MATN3: variants seen among roughly 807,000 people sequenced by gnomAD.
MATN3 encodes matrilin-3.
A neutral mutation model predicts 45.3 loss-of-function variants in MATN3; 48 were observed. The ratio of observed to expected loss-of-function variants is 1.06; its 90% CI spans 0.84 to 1.35. The LOEUF is 1.35. Among genes scored for constraint, MATN3 ranks in the 40% most tolerant of loss-of-function variants. The pLI is 0.00. For synonymous variants in MATN3, 217 were observed against 245.9 expected, an observed-to-expected ratio of 0.88 and a Z score of 1.10; for missense variants, 599 against 628.0, an observed-to-expected ratio of 0.95 and a Z score of 0.49.
chr2:19,999,626 T>TAAAA (rs56100312), intron 5 of MATN3, among the ~76,000 whole-genome samples: 3 of 120,192 alleles, frequency 2.5e-5, no homozygotes, highest in Admixed American at 8.9e-5. Flanking sequence ...GGTTTCCCTT[T>TAAAA]AAAAAAAAAA....
chr2:19,993,103 G>T lies in MATN3; in HGVS notation c.*8C>A. ...TGTCCACATTTTCAGGTGAGAAATT[G>T]GAGCAATTTAACGATGTATTTGTCC... is the stretch of plus-strand genomic sequence containing the variant. On this transcript the variant is annotated 3_prime_UTR_variant, in exon 8 of 8. Coordinates refer to ENST00000407540, the MANE Select transcript of MATN3 (RefSeq NM_002381.5). 1 of 1,609,588 alleles carries T rather than the reference G, an allele frequency of 6.2e-7. No homozygotes were observed. The highest frequency in any genetic ancestry group is 8.5e-7 in the Non-Finnish European group (1 of 1,176,232).
chr2:20,005,262 A>T (rs958957153), intron 2 of MATN3, among the ~76,000 whole-genome samples: 4 of 152,198 alleles, frequency 2.6e-5, no homozygotes, highest in African/African-American at 9.6e-5. Context: ...ATTGGAATAG[A>T]GGCCTGCTGA....
In MATN3 at chr2:20,012,450, G is replaced by A. The variant is rs1388652043; in HGVS notation, c.182C>T (p.Pro61Leu). 1.6e-6 allele frequency: 2 copies of A among 1,229,438 alleles called. No homozygotes were observed. Among genetic ancestry groups the A allele is most frequent in the Non-Finnish European group, 2.0e-6 (2 of 986,536 alleles). The allele number at this position is 1,229,438 out of a possible 1,614,324, so 76.2% of individuals were successfully genotyped here. A position where few individuals can be genotyped will look rare whatever the true frequency, so the allele number is the denominator to read the frequency against. The change falls in exon 1 of 8, where the codon CCC (proline) becomes CTC (leucine). Residue 61 changes from proline (P) to leucine (L), a missense_variant. Coordinates refer to ENST00000407540, the MANE Select transcript of MATN3 (RefSeq NM_002381.5). The surrounding 1 kb of genome is among the most constrained non-coding windows in gnomAD (Gnocchi z 4.3). Reference sequence around the variant, plus strand: ...GCCAGGCTCGCTGGTCCCGGAAGCGGGCGCGCCGTCGGGAGCCGCAGGAGA... The same window carrying A: ...GCCAGGCTCGCTGGTCCCGGAAGCGAGCGCGCCGTCGGGAGCCGCAGGAGA... ...RPSPAAPDGA[P>L]ASGTSEPGRA...
intron 5 of MATN3, among the ~76,000 whole-genome samples, chr2:19,999,886 T>C (rs1359347234): frequency 2.6e-5 from 4 of 152,216 alleles, no homozygotes; most frequent in Non-Finnish European, 5.9e-5. Flanking sequence ...CCTGGGCTCA[T>C]TGGCCAACGT....
At chr2:20,002,960 G>A (rs1425520049) in intron 3 of MATN3, among the ~76,000 whole-genome samples, 1 of 152,082 alleles carries the variant, frequency 6.6e-6, no homozygotes, top group Non-Finnish European at 1.5e-5. Context: ...TACAAAGTAT[G>A]GAAATAAGCT....
At chr2:19,998,044 C>T (rs1398043641) in intron 5 of MATN3, among the ~76,000 whole-genome samples, 1 of 152,206 alleles carries the variant, frequency 6.6e-6, no homozygotes, top group African/African-American at 2.4e-5. Context: ...ATTGCAGGAA[C>T]CAAAATAGTT....
intron 7 of MATN3, among the ~76,000 whole-genome samples, chr2:19,993,395 T>C (rs543546841): frequency 2.6e-5 from 4 of 152,304 alleles, no homozygotes; most frequent in East Asian, 1.9e-4. Context: ...TTTTTGTTCA[T>C]ATAAAATGTA....
intron 1 of MATN3, among the ~76,000 whole-genome samples, chr2:20,010,066 C>CAAAAAAAAAAAAAA (rs1558376342): frequency 9.0e-4 from 5 of 5,560 alleles, no homozygotes; most frequent in Non-Finnish European, 1.2e-3. Flanking sequence ...TCTTCAAATA[C>CAAAAAAAAAAAAAA]TAAAAAAAAA....
At chr2:20,007,952 C>G (rs562948050) in intron 1 of MATN3, among the ~76,000 whole-genome samples, 28 of 152,128 alleles carry the variant, frequency 1.8e-4, no homozygotes, top group Non-Finnish European at 3.4e-4. Flanking sequence ...GAAAAAAAGC[C>G]AATTATTAAA....
chr2:19,993,278 AAG>A, intron 7 of MATN3, 112 bp from the exon 8 acceptor site: 1 of 861,348 alleles, frequency 1.2e-6, no homozygotes, highest in Non-Finnish European at 1.8e-6. Flanking sequence ...AGTGAAAAAA[AAG>A]AGCAAAACTG....
intron 5 of MATN3, among the ~76,000 whole-genome samples, chr2:19,998,767 GA>G (rs150173660): frequency 1.2e-4 from 14 of 120,080 alleles, no homozygotes; most frequent in African/African-American, 3.8e-4. Flanking sequence ...AAAAAGAGAA[GA>G]AAAAAAAATA....
intron 2 of MATN3, 84 bp from the exon 3 acceptor site, chr2:20,003,370 T>C (rs1285074630): frequency 7.4e-7 from 1 of 1,346,216 alleles, no homozygotes; most frequent in African/African-American, 1.5e-5. Context: ...GACATTGCTC[T>C]CTGGGCTCCT....
At chr2:19,997,471 C>T (rs1672899164) in intron 5 of MATN3, 1 of 465,958 alleles carries the variant, frequency 2.1e-6, no homozygotes, top group Admixed American at 3.9e-5. Context: ...ACACTCCTTT[C>T]CTTTATATCT....
intron 1 of MATN3, among the ~76,000 whole-genome samples, chr2:20,006,928 T>G (rs1147108): frequency 7.9e-5 from 12 of 152,370 alleles, no homozygotes; most frequent in Middle Eastern, 6.8e-3. Context: ...TGAACTAATT[T>G]AAAGTAGAGC....
At chr2:20,003,674 C>T (rs985752107) in intron 2 of MATN3, among the ~76,000 whole-genome samples, 3 of 152,304 alleles carry the variant, frequency 2.0e-5, no homozygotes, top group African/African-American at 7.2e-5. Context: ...CCTGAAGTGA[C>T]GTGAGCTAGT....
chr2:20,005,651 T>G (rs1466158913), intron 2 of MATN3, 93 bp downstream of exon 2: 1 of 1,113,374 alleles, frequency 9.0e-7, no homozygotes, highest in Non-Finnish European at 1.2e-6. Context: ...TTCATTAAAT[T>G]TCCACCAAAA....
In MATN3 at chr2:19,996,032, T is replaced by C. The variant is rs533098869; in HGVS notation, c.1294+1102A>G. Among the ~76,000 whole-genome samples, 14 of 152,318 alleles carry C rather than the reference T, an allele frequency of 9.2e-5. No homozygotes were observed. In the South Asian group the frequency reaches 2.9e-3, roughly 32 times the overall value. On this transcript the variant is annotated intron_variant, in intron 6 of 7. Transcript: ENST00000407540. ...ATAAGATGGGTATATATAATACTTG[T>C]TCAGTGTCTGTCGTGCCTGATAGTC...
chr2:19,997,367 T>C, intron 5 of MATN3, 108 bp from the exon 6 acceptor site: 5 of 1,211,886 alleles, frequency 4.1e-6, no homozygotes, highest in Middle Eastern at 2.1e-4. Flanking sequence ...GTGCTGAGAA[T>C]GTAGTAGTCA....
intron 1 of MATN3, among the ~76,000 whole-genome samples, chr2:20,006,571 G>C (rs1673111448): frequency 6.6e-6 from 1 of 152,180 alleles, no homozygotes; most frequent in African/African-American, 2.4e-5. Flanking sequence ...ATTTCACTTA[G>C]AACCTCATCC....
Sources: gnomAD v4.1 joint callset for allele counts (sites outside exome capture counted in the v4.1 genomes callset) on GRCh38, gnomAD v4.1.1 for gene constraint, Gnocchi (gnomAD v3.1) non-coding constraint, MANE v1.5 for transcripts, NCBI Gene and HGNC (gene_info 2026-07-23, HGNC 2026-07-21) for gene names.